The following EPM2A variants were observed in gnomAD, a reference collection of about 807,000 sequenced individuals.
EPM2A encodes the protein laforin.
In EPM2A, 21 loss-of-function variants were observed where a neutral mutation model predicts 26.5. The observed-to-expected ratio is 0.79, with a 90% CI of 0.56 to 1.14. The LOEUF (loss-of-function observed/expected upper bound fraction) is 1.14. Among genes scored for constraint, EPM2A ranks in the 50% most tolerant of loss-of-function variants. The pLI is 0.00. For missense variants in EPM2A, 458 were observed against 440.8 expected, an observed-to-expected ratio of 1.04 and a Z score of -0.35; for synonymous variants, 217 against 177.6, an observed-to-expected ratio of 1.22 and a Z score of -1.76.
At chr6:145,552,374 G>A (rs1165565234) in intron 2 of EPM2A, among the ~76,000 whole-genome samples, 1 of 151,850 alleles carries the variant, frequency 6.6e-6, no homozygotes, top group Non-Finnish European at 1.5e-5. Flanking sequence ...ACCTACAAGG[G>A]AATGACAATC....
At chr6:145,552,321 CAAAG>C (rs1780665990) in intron 2 of EPM2A, among the ~76,000 whole-genome samples, 1 of 151,764 alleles carries the variant, frequency 6.6e-6, no homozygotes, top group African/African-American at 2.4e-5. Context: ...TGCAAAATGA[CAAAG>C]AAGAAACACT....
chr6:145,412,787 G>A (rs1418766358), intron 4 of EPM2A, among the ~76,000 whole-genome samples: 2 of 152,184 alleles, frequency 1.3e-5, no homozygotes, highest in African/African-American at 2.4e-5. Flanking sequence ...TGAACATCCT[G>A]TTGTGCTTGT....
chr6:145,559,022 G>A (rs936259057), intron 2 of EPM2A, among the ~76,000 whole-genome samples: 5 of 152,050 alleles, frequency 3.3e-5, no homozygotes, highest in African/African-American at 1.2e-4. Context: ...CAGTTTATAT[G>A]TCTGTGAGCC....
intron 4 of EPM2A, among the ~76,000 whole-genome samples, chr6:145,427,928 T>C (rs922431149): frequency 6.6e-6 from 1 of 152,158 alleles, no homozygotes; most frequent in Admixed American, 6.5e-5. Context: ...ACATCAGTAT[T>C]TAGTTTACCC....
intron 2 of EPM2A, among the ~76,000 whole-genome samples, chr6:145,506,720 G>A (rs1200427292): frequency 6.6e-6 from 1 of 152,120 alleles, no homozygotes; most frequent in East Asian, 2.0e-4. Context: ...ATACTGTGCT[G>A]GCAGTGAGCA....
At chr6:145,478,799 T>C (rs1243138404) in intron 4 of EPM2A, among the ~76,000 whole-genome samples, 3 of 151,996 alleles carry the variant, frequency 2.0e-5, no homozygotes, top group Admixed American at 6.6e-5. Flanking sequence ...GTGTATGTTT[T>C]CTTAATTTTA....
At chr6:145,670,563 T>G (rs1779568566) in intron 2 of EPM2A, among the ~76,000 whole-genome samples, 1 of 152,154 alleles carries the variant, frequency 6.6e-6, no homozygotes, top group Non-Finnish European at 1.5e-5. Flanking sequence ...ATTTATTTCT[T>G]CATACACTTT....
At chr6:145,402,493 C>A (rs1158712000) in intron 4 of EPM2A, among the ~76,000 whole-genome samples, 1 of 152,070 alleles carries the variant, frequency 6.6e-6, no homozygotes, top group African/African-American at 2.4e-5. Context: ...GGACAATTGA[C>A]AAAATTTGCA....
chr6:145,441,784 C>A (rs569328311), intron 4 of EPM2A, among the ~76,000 whole-genome samples: 1 of 152,292 alleles, frequency 6.6e-6, no homozygotes, highest in East Asian at 1.9e-4. Flanking sequence ...ATCACTTGAA[C>A]ATGGGAGGCA....
chr6:145,498,271 G>A (rs570461157), downstream of EPM2A, among the ~76,000 whole-genome samples: 1 of 152,336 alleles, frequency 6.6e-6, no homozygotes, highest in African/African-American at 2.4e-5. Flanking sequence ...CCAAGCCAGT[G>A]AGTCTTATTC....
intron 2 of EPM2A, among the ~76,000 whole-genome samples, chr6:145,579,843 C>T (rs1781088845): frequency 6.6e-6 from 1 of 151,960 alleles, no homozygotes; most frequent in Admixed American, 6.6e-5. Context: ...GGCTTTTCAG[C>T]TAATTCTGTA....
chr6:145,403,981 A>T (rs1562322104), intron 4 of EPM2A, among the ~76,000 whole-genome samples: 2 of 152,150 alleles, frequency 1.3e-5, no homozygotes, highest in Non-Finnish European at 2.9e-5. Flanking sequence ...ACGATAGTGC[A>T]TTCTAGTTTT....
chr6:145,484,416 C>T (rs957169438), intron 4 of EPM2A, among the ~76,000 whole-genome samples: 1 of 151,926 alleles, frequency 6.6e-6, no homozygotes, highest in African/African-American at 2.4e-5. Context: ...ACTAGGTATT[C>T]TGGAGAATTT....
intron 2 of EPM2A, among the ~76,000 whole-genome samples, chr6:145,502,775 T>C (rs1321133480): frequency 6.6e-6 from 1 of 152,244 alleles, no homozygotes; most frequent in Non-Finnish European, 1.5e-5. Flanking sequence ...TGACTATTAA[T>C]ATATTTATTT....
chr6:145,712,335 C>A (rs1489084894), intron 1 of EPM2A, among the ~76,000 whole-genome samples: 3 of 152,128 alleles, frequency 2.0e-5, no homozygotes, highest in Non-Finnish European at 4.4e-5. Context: ...TAAAGTTGAA[C>A]AGACTTTCCA....
chr6:145,458,887 T>A (rs745854471), intron 4 of EPM2A, among the ~76,000 whole-genome samples: 1 of 152,038 alleles, frequency 6.6e-6, no homozygotes, highest in Non-Finnish European at 1.5e-5. Flanking sequence ...TGGAGAGAAC[T>A]CAAGGAACTA....
Position 145,626,500 on chromosome 6 carries a change from G to T in EPM2A, c.*916C>A. ...TCCTAGATTCTTTGGCAACTGATCA[G>T]AATACTATTCTATGTCTCGCTATAG... On this transcript the variant is annotated 3_prime_UTR_variant, in exon 4 of 4. Coordinates refer to ENST00000367519, the MANE Select transcript of EPM2A (RefSeq NM_005670.4). 1 of 985,884 alleles carries T rather than the reference G, an allele frequency of 1.0e-6. No individual in the cohort carries two copies. Among genetic ancestry groups the T allele is most frequent in the Non-Finnish European group, 1.2e-6 (1 of 829,948 alleles). The allele number at this position is 985,884 out of a possible 1,614,324, so 61.1% of individuals were successfully genotyped here. A position where few individuals can be genotyped will look rare whatever the true frequency, so the allele number is the denominator to read the frequency against.
intron 4 of EPM2A, among the ~76,000 whole-genome samples, chr6:145,495,343 A>G (rs1383123799): frequency 6.7e-6 from 1 of 149,804 alleles, no homozygotes; most frequent in Non-Finnish European, 1.5e-5. Context: ...TTTGCTTGGT[A>G]AATTTTCCTT....
At chr6:145,656,229 C>T (rs1243486733) in intron 2 of EPM2A, among the ~76,000 whole-genome samples, 1 of 152,170 alleles carries the variant, frequency 6.6e-6, no homozygotes, top group Non-Finnish European at 1.5e-5. Flanking sequence ...TTGAATAAAG[C>T]ATCTAAGAGA....
Sources: allele counts gnomAD v4.1 joint callset (sites outside exome capture counted in the v4.1 genomes callset), GRCh38; gene constraint gnomAD v4.1.1; transcripts MANE v1.5; gene names NCBI Gene and HGNC (gene_info 2026-07-23, HGNC 2026-07-21).